ELF5: variants seen among roughly 807,000 people sequenced by gnomAD.
The protein encoded by ELF5 is ETS-related transcription factor Elf-5.
Under a neutral mutation model 38.2 loss-of-function variants are expected in ELF5, and 31 were observed. The ratio of observed to expected loss-of-function variants is 0.81; its 90% CI spans 0.61 to 1.10. ELF5 has a LOEUF of 1.10. Among genes scored for constraint, ELF5 ranks in the 50% least tolerant of loss-of-function variants. The pLI, the probability that ELF5 is intolerant of heterozygous loss-of-function variation, is 0.00. For missense variants in ELF5, 300 were observed against 306.6 expected (o/e 0.98, Z 0.16); for synonymous variants, 121 against 112.5 (o/e 1.08, Z -0.48).
chr11:34,511,336 T>G (rs1850749949), intron 1 of ELF5, among the ~76,000 whole-genome samples: 1 of 152,142 alleles, frequency 6.6e-6, no homozygotes, highest in Admixed American at 6.6e-5. Flanking sequence ...CAACTGGATA[T>G]TCTTTGCCCA....
At position 34,481,969 on chromosome 11, in the gene ELF5, G is replaced by T. The variant is rs375680658; in HGVS notation, c.475+462C>A. On this transcript the variant is annotated intron_variant, in intron 5 of 6. Coordinates refer to ENST00000257832, the MANE Select transcript of ELF5 (RefSeq NM_001422.4). ...AATTACAAGCTTGACACTGCTCTGG[G>T]CCGATCTCTTAGTGCTGGGGAAGCT... Among the ~76,000 whole-genome samples, 60 of 152,310 alleles carry T rather than the reference G, an allele frequency of 3.9e-4. 1 individual carries two copies. In the East Asian group the frequency reaches 6.0e-3, roughly 15 times the overall value.
At position 34,480,678 on chromosome 11, in the gene ELF5, G is replaced by A; in HGVS notation, c.671+94C>T. Reference sequence around the variant, plus strand: ...TGTCTCATGACCTTTCCATTATCAAGTAAAAAACCTGCAAAAACAGTGTAA... The same window carrying A: ...TGTCTCATGACCTTTCCATTATCAAATAAAAAACCTGCAAAAACAGTGTAA... On this transcript the variant is annotated intron_variant, in intron 6 of 6. Transcript: ENST00000257832. The A allele has an allele frequency of 3.5e-6, 5 of 1,413,406 alleles. No homozygotes were observed. The South Asian group carries it at 6.4e-5, about 18-fold the overall frequency. The allele number at this position is 1,413,406 out of a possible 1,614,324, so 87.6% of individuals were successfully genotyped here.
intron 4 of ELF5, among the ~76,000 whole-genome samples, chr11:34,484,238 G>T (rs1857011106): frequency 7.3e-6 from 1 of 136,108 alleles, no homozygotes; most frequent in Non-Finnish European, 1.7e-5. Context: ...ACACTATATT[G>T]TATTATACTG....
intron 2 of ELF5, among the ~76,000 whole-genome samples, chr11:34,504,184 G>C (rs1369732708): frequency 2.6e-5 from 4 of 152,222 alleles, no homozygotes; most frequent in Admixed American, 2.6e-4. Flanking sequence ...GGAAACATAG[G>C]GAGGGCACGG....
In ELF5 at chr11:34,480,890, A is replaced by G; in HGVS notation, c.553T>C (p.Trp185Arg). 1 of 1,614,040 alleles carries G rather than the reference A, an allele frequency of 6.2e-7. No homozygotes were observed. The highest frequency in any genetic ancestry group is 8.5e-7 in the Non-Finnish European group (1 of 1,180,014). Residue 185 changes from tryptophan to arginine, a missense_variant, in exon 6 of 7, where the codon TGG becomes CGG. Coordinates refer to ENST00000257832, the MANE Select transcript of ELF5 (RefSeq NM_001422.4). ...AAAATTCCTTGTTCCCTATCTTCCC[A>G]TTCCAGAATGCCACAGTTTTCTTCA... ...SPEENCGILE[W>R]EDREQGIFRV... is the part of the protein sequence containing the mutation.
rs763052336 is a variant in ELF5, at chr11:34,490,052, G to T, written c.363C>A (p.Ser121=). ...TGCTTTCTTCAGCGTCATTAAAAAA[G>T]GAGTAACCTGGGAAAGAAAAAGAAA... ...ILQNIRTQGY[S]FFNDAEESKA... is the part of the protein sequence containing the mutation. The change falls in exon 4 of 7, where the codon TCC becomes TCA. Residue 121 remains serine, a synonymous_variant. Coordinates refer to ENST00000257832, the MANE Select transcript of ELF5 (RefSeq NM_001422.4). The T allele has an allele frequency of 2.5e-6, 4 of 1,613,786 alleles. No homozygotes were observed. The highest frequency in any genetic ancestry group is 3.4e-6 in the Non-Finnish European group (4 of 1,179,902).
intron 2 of ELF5, among the ~76,000 whole-genome samples, chr11:34,498,865 G>A (rs1225427598): frequency 6.6e-6 from 1 of 152,126 alleles, no homozygotes; most frequent in Non-Finnish European, 1.5e-5. Context: ...GCTGAGGCAG[G>A]TGTATCACCT....
intron 2 of ELF5, among the ~76,000 whole-genome samples, chr11:34,505,350 C>T (rs562738284): frequency 5.3e-5 from 8 of 152,194 alleles, no homozygotes; most frequent in Non-Finnish European, 1.0e-4. Context: ...CTCCAAGAGA[C>T]GTACATTTTA....
At chr11:34,506,903 G>A (rs1403721032) in intron 1 of ELF5, among the ~76,000 whole-genome samples, 1 of 152,162 alleles carries the variant, frequency 6.6e-6, no homozygotes, top group Non-Finnish European at 1.5e-5. Flanking sequence ...AAACTGAAAG[G>A]AAGTGTGTGT....
chr11:34,508,532 A>G (rs1850670635), intron 1 of ELF5, among the ~76,000 whole-genome samples: 1 of 152,120 alleles, frequency 6.6e-6, no homozygotes, highest in South Asian at 2.1e-4. Context: ...AAAATAAAAA[A>G]TAAAAAAAAC....
chr11:34,491,595 T>TC (rs1850173302), intron 3 of ELF5: 1 of 151,904 alleles, frequency 6.6e-6, no homozygotes, highest in African/African-American at 2.4e-5. Flanking sequence ...TTTTTTTTTT[T>TC]TCAGGATTTT....
Position 34,512,583 on chromosome 11 carries a change from A to ATTT in ELF5, c.-5+1091_-5+1093dup, listed in dbSNP as rs10647727. On this transcript the variant is annotated intron_variant, in intron 1 of 6. Transcript: ENST00000257832. Reference sequence around the variant, plus strand: ...CGGTTTCCTCATCTCTAAAATGGGGATTTTTTTTTTTTTAAATCATGCAAT... The same window carrying ATTT: ...CGGTTTCCTCATCTCTAAAATGGGGATTTTTTTTTTTTTTTTAAATCATGCAAT... Among the ~76,000 whole-genome samples the ATTT allele has an allele frequency of 3.4e-3, 502 of 148,758 alleles. 2 individuals are homozygous for ATTT. The highest frequency in any genetic ancestry group is 9.5e-3 in the African/African-American group (382 of 40,388).
At chr11:34,490,191 C>T in intron 3 of ELF5, 132 bp from the exon 4 acceptor site, 1 of 939,736 alleles carries the variant, frequency 1.1e-6, no homozygotes, top group Non-Finnish European at 1.7e-6. Flanking sequence ...TAGAGGGAAC[C>T]TTGGAGACCA....
chr11:34,488,878 G>C (rs1850082916), intron 4 of ELF5, among the ~76,000 whole-genome samples: 1 of 152,174 alleles, frequency 6.6e-6, no homozygotes, highest in Non-Finnish European at 1.5e-5. Flanking sequence ...TTTCTTCCAG[G>C]GGCTTTGACT....
In ELF5 at chr11:34,502,664, C is replaced by T. The variant is rs543482670; in HGVS notation, c.121+2965G>A. 4.6e-5 allele frequency among the ~76,000 whole-genome samples: 7 copies of T among 152,326 alleles called. No individual in the cohort carries two copies. In the East Asian group the frequency reaches 1.2e-3, roughly 25 times the overall value. ...TGATACTGAGCTTCCCCTGAAATCC[C>T]GAGGGCCGGTGGCTACTTGAAAGCC... On this transcript the variant is annotated intron_variant, in intron 2 of 6. Coordinates refer to ENST00000257832, the MANE Select transcript of ELF5 (RefSeq NM_001422.4).
intron 2 of ELF5, among the ~76,000 whole-genome samples, chr11:34,495,619 T>C (rs939627674): frequency 1.3e-5 from 2 of 152,258 alleles, no homozygotes; most frequent in Non-Finnish European, 2.9e-5. Flanking sequence ...ATTTATTTTA[T>C]TTAAAAATTT....
At chr11:34,490,448 C>T (rs946618309) in intron 3 of ELF5, among the ~76,000 whole-genome samples, 1 of 152,142 alleles carries the variant, frequency 6.6e-6, no homozygotes, top group African/African-American at 2.4e-5. Context: ...TCATTGACAT[C>T]ACGAGATAAA....
chr11:34,496,226 G>T (rs1024628652), intron 2 of ELF5, among the ~76,000 whole-genome samples: 3 of 152,212 alleles, frequency 2.0e-5, no homozygotes, highest in Non-Finnish European at 4.4e-5. Flanking sequence ...GCTCCTCGGC[G>T]CTCTGCTTTG....
chr11:34,500,826 T>A (rs1850446042), intron 2 of ELF5, among the ~76,000 whole-genome samples: 1 of 152,256 alleles, frequency 6.6e-6, no homozygotes, highest in South Asian at 2.1e-4. Context: ...AAAGCCCATG[T>A]GGGGATGCAG....
Sources: allele counts gnomAD v4.1 joint callset (sites outside exome capture counted in the v4.1 genomes callset), GRCh38; gene constraint gnomAD v4.1.1; transcripts MANE v1.5; gene names NCBI Gene and HGNC (gene_info 2026-07-23, HGNC 2026-07-21).